Variants in SI observed in about 807,000 individuals in gnomAD.
SI encodes sucrase-isomaltase, intestinal.
In SI, 235 loss-of-function variants were observed where a neutral mutation model predicts 253.3. The observed-to-expected ratio is 0.93, with a 90% CI of 0.83 to 1.03. SI has a LOEUF of 1.03. SI is among the 50% of genes least tolerant of loss of function. SI has a pLI of 0.00. For missense variants in SI, 2,442 were observed against 2,211.1 expected (o/e 1.10, Z -2.09); for synonymous variants, 819 against 712.0 (o/e 1.15, Z -2.39).
intron 36 of SI, 37 bp downstream of exon 36, chr3:165,007,874 A>G (rs1340164332): frequency 1.0e-6 from 1 of 976,374 alleles, no homozygotes; most frequent in South Asian, 1.3e-5. Context: ...TATAATAATA[A>G]CATGATAATA....
At chr3:165,062,559 A>G (rs909723835) in intron 8 of SI, 76 bp from the exon 9 acceptor site, 33 of 734,564 alleles carry the variant, frequency 4.5e-5, no homozygotes, top group Non-Finnish European at 7.7e-5. Flanking sequence ...GTCCATTTAA[A>G]TTAATTTGTA....
chr3:164,985,746 C>T (rs1333997928), intron 45 of SI, among the ~76,000 whole-genome samples: 1 of 152,062 alleles, frequency 6.6e-6, no homozygotes, highest in Non-Finnish European at 1.5e-5. Context: ...AGTACTGACA[C>T]TATTAAATAG....
chr3:165,063,319 C>T, intron 8 of SI, 123 bp downstream of exon 8: 1 of 506,616 alleles, frequency 2.0e-6, no homozygotes, highest in Non-Finnish European at 3.6e-6. Context: ...AATAATGTCA[C>T]ATGTTAATAT....
chr3:164,983,972 C>T (rs1717320112), intron 45 of SI, among the ~76,000 whole-genome samples: 1 of 151,912 alleles, frequency 6.6e-6, no homozygotes, highest in African/African-American at 2.4e-5. Context: ...TGACTATTTG[C>T]CAAATTCTAA....
intron 47 of SI, among the ~76,000 whole-genome samples, chr3:164,980,211 G>A (rs367993363): frequency 1.3e-5 from 2 of 151,888 alleles, no homozygotes; most frequent in East Asian, 1.9e-4. Context: ...TTAAAGCACA[G>A]CACATTTGGA....
At chr3:165,042,923 A>G (rs540217054) in intron 17 of SI, 136 bp downstream of exon 17, 16 of 701,526 alleles carry the variant, frequency 2.3e-5, no homozygotes, top group Admixed American at 1.5e-4. Flanking sequence ...AGGACTTGAG[A>G]GAGGGACTTC....
intron 35 of SI, 141 bp downstream of exon 35, chr3:165,009,138 G>C (rs1023247547): frequency 3.2e-6 from 2 of 627,546 alleles, no homozygotes; most frequent in Non-Finnish European, 5.8e-6. Context: ...AGTTGTTTGT[G>C]TAAGAAAGTT....
chr3:165,039,076 A>G lies in SI; in HGVS notation c.2301+2T>C. On this transcript the variant is annotated splice_donor_variant, in intron 20 of 47. Coordinates refer to ENST00000264382, the MANE Select transcript of SI (RefSeq NM_001041.4). LOFTEE classifies it high-confidence loss of function. ...GTCCATTAGTATGTTAAGGTTACTT[A>G]CAGATTCATAATCATACCAAATAGC... 2 of 1,573,422 alleles carry G rather than the reference A, an allele frequency of 1.3e-6. No individual in the cohort carries two copies. Among genetic ancestry groups the G allele is most frequent in the Non-Finnish European group, 1.7e-6 (2 of 1,144,944 alleles).
intron 7 of SI, among the ~76,000 whole-genome samples, chr3:165,064,615 A>T (rs563619150): frequency 6.6e-6 from 1 of 152,284 alleles, no homozygotes; most frequent in South Asian, 2.1e-4. Context: ...AGCAACAAAC[A>T]TAAAAACAAA....
In SI at chr3:165,055,272, A is replaced by G; in HGVS notation, c.1434T>C (p.Thr478=). The change falls in exon 13 of 48, where the codon ACT becomes ACC. Residue 478 remains threonine (T), a synonymous_variant. Transcript: ENST00000264382. ...WPGLTVYPDF[T]NPNCIDWWAN... Reference sequence around the variant, plus strand: ...CCCACCAATCAATGCAGTTTGGGTTAGTGAAATCAGGGTATACTGTTAATC... The same window carrying G: ...CCCACCAATCAATGCAGTTTGGGTTGGTGAAATCAGGGTATACTGTTAATC... 1.9e-6 allele frequency: 3 copies of G among 1,608,942 alleles called. No homozygotes were observed. The highest frequency in any genetic ancestry group is 2.6e-6 in the Non-Finnish European group (3 of 1,176,022).
rs867441866 is a variant in SI at position 164,980,906 on chromosome 3, C to T, written c.5415+1337G>A. 3.3e-5 allele frequency among the ~76,000 whole-genome samples: 5 copies of T among 151,904 alleles called. No homozygotes were observed. In the South Asian group the frequency reaches 8.3e-4, roughly 25 times the overall value. ...AAGGTAAGATATTATCTAAGCCAAA[C>T]CGTCTTTTCTTTATCTGATTGAACA... On this transcript the variant is annotated intron_variant, in intron 47 of 47. Coordinates refer to ENST00000264382, the MANE Select transcript of SI (RefSeq NM_001041.4).
chr3:165,048,225 T>C (rs1434451546), intron 15 of SI, among the ~76,000 whole-genome samples: 1 of 152,036 alleles, frequency 6.6e-6, no homozygotes, highest in South Asian at 2.1e-4. Context: ...GAATAGTATT[T>C]GGTTTACTGA....
At chr3:165,047,926 T>G (rs1342248667) in intron 15 of SI, among the ~76,000 whole-genome samples, 1 of 152,120 alleles carries the variant, frequency 6.6e-6, no homozygotes, top group Non-Finnish European at 1.5e-5. Context: ...TGATAACATT[T>G]TCATAATTGG....
At chr3:165,024,203 T>A (rs1553772956) in intron 25 of SI, among the ~76,000 whole-genome samples, 1 of 151,446 alleles carries the variant, frequency 6.6e-6, no homozygotes, top group Non-Finnish European at 1.5e-5. Flanking sequence ...TTACTTATAA[T>A]GAAACTCTCA....
chr3:165,055,216 A>G lies in SI; in HGVS notation c.1490T>C (p.Val497Ala). 6.2e-7 allele frequency: 1 copy of G among 1,607,672 alleles called. No homozygotes were observed. The highest frequency in any genetic ancestry group is 8.5e-7 in the Non-Finnish European group (1 of 1,174,692). ...TACAATCCAAAGTCCATCATATTGC[A>G]CTTCTTGATGGAAAATACTGCATTC... is the stretch of plus-strand genomic sequence containing the variant. ...ANECSIFHQE[V>A]QYDGLWIDMN... The change falls in exon 13 of 48, where the codon GTG becomes GCG. Residue 497 changes from valine to alanine, a missense_variant. By Grantham distance (64) the Val-to-Ala change is moderately conservative. Coordinates refer to ENST00000264382, the MANE Select transcript of SI (RefSeq NM_001041.4).
At chr3:165,034,538 T>C (rs935433276) in intron 22 of SI, among the ~76,000 whole-genome samples, 1 of 151,980 alleles carries the variant, frequency 6.6e-6, no homozygotes. Context: ...GCTTACTACA[T>C]AAGCCAGAGA....
chr3:165,049,366 C>T, intron 14 of SI, 122 bp from the exon 15 acceptor site: 1 of 693,720 alleles, frequency 1.4e-6, no homozygotes, highest in African/African-American at 1.8e-5. Flanking sequence ...TGGTTAAAAA[C>T]AATGACAAAG....
At chr3:165,018,766 G>A (rs1576888646) in intron 28 of SI, among the ~76,000 whole-genome samples, 1 of 151,374 alleles carries the variant, frequency 6.6e-6, no homozygotes, top group South Asian at 2.1e-4. Context: ...AATAATATCG[G>A]TACAAATGCT....
intron 3 of SI, among the ~76,000 whole-genome samples, chr3:165,073,189 TCTCTCTCTCTCTCTCTCTCTC>T (rs1560020351): frequency 4.5e-5 from 1 of 22,206 alleles, no homozygotes; most frequent in African/African-American, 1.2e-4. Flanking sequence ...TCTCTCTCTC[TCTCTCTCTCTCTCTCTCTCTC>T]TCTCTCTCTC....
Sources: gnomAD v4.1 joint callset for allele counts (sites outside exome capture counted in the v4.1 genomes callset) on GRCh38, gnomAD v4.1.1 for gene constraint, MANE v1.5 for transcripts, NCBI Gene and HGNC (gene_info 2026-07-23, HGNC 2026-07-21) for gene names.